Variants in MYO16 observed in about 807,000 individuals in gnomAD.
The protein encoded by MYO16 is unconventional myosin-XVI.
MYO16 carries 94 observed loss-of-function variants against 205.3 expected under a neutral mutation model. That is an observed-to-expected ratio of 0.46 (90% confidence interval 0.39 to 0.54). MYO16 has a LOEUF of 0.54. MYO16 is among the 20% of genes least tolerant of loss of function. The pLI is 0.00. For missense variants in MYO16, 2,315 were observed against 2,387.5 expected, an observed-to-expected ratio of 0.97 and a Z score of 0.63; for synonymous variants, 988 against 954.0, an observed-to-expected ratio of 1.04 and a Z score of -0.66.
chr13:108,823,119 T>A lies in MYO16; in HGVS notation c.944-6T>A, dbSNP rs1566351725. 6.2e-7 allele frequency: 1 copy of A among 1,605,476 alleles called. No homozygotes were observed. Among genetic ancestry groups the A allele is most frequent in the Non-Finnish European group, 8.5e-7 (1 of 1,178,346 alleles). The stretch of plus-strand genomic sequence containing the variant: ...TTTTCTGATTTTTCTTATTTTTTTC[T>A]TGTAGATATTGCTGCCTCTGAGTTT... On this transcript the variant is annotated splice_polypyrimidine_tract_variant and splice_region_variant and intron_variant, in intron 8 of 34. Coordinates refer to ENST00000457511, the MANE Select transcript of MYO16 (RefSeq NM_001198950.3).
At chr13:109,009,987 A>G (rs979291885) in intron 22 of MYO16, among the ~76,000 whole-genome samples, 1 of 152,194 alleles carries the variant, frequency 6.6e-6, no homozygotes, top group Admixed American at 6.5e-5. Flanking sequence ...CCTTCTCTCT[A>G]GCTTGCCATG....
At chr13:108,848,249 C>A (rs545978556) in intron 10 of MYO16, among the ~76,000 whole-genome samples, 25 of 152,270 alleles carry the variant, frequency 1.6e-4, no homozygotes, top group African/African-American at 5.8e-4. Context: ...ACTCCCTGCC[C>A]GGATCTGTTC....
At chr13:109,029,107 CTTTTCTT>C (rs1342417680) in intron 23 of MYO16, among the ~76,000 whole-genome samples, 13 of 69,160 alleles carry the variant, frequency 1.9e-4, no homozygotes, top group Non-Finnish European at 3.0e-5. Flanking sequence ...AACATTTTTT[CTTTTCTT>C]TTTTTTTTTT....
chr13:108,667,774 GGT>G (rs1881805974), intron 2 of MYO16, among the ~76,000 whole-genome samples: 1 of 152,162 alleles, frequency 6.6e-6, no homozygotes, highest in East Asian at 1.9e-4. Context: ...TGCCAGGTAT[GGT>G]GGCTCATACC....
intron 12 of MYO16, among the ~76,000 whole-genome samples, chr13:108,877,830 T>G (rs1301476294): frequency 6.6e-6 from 1 of 152,258 alleles, no homozygotes; most frequent in African/African-American, 2.4e-5. Context: ...TTAAATTTAA[T>G]GTAGTAAGAT....
intron 5 of MYO16, among the ~76,000 whole-genome samples, chr13:108,790,450 T>C (rs1205413532): frequency 6.6e-6 from 1 of 152,178 alleles, no homozygotes; most frequent in East Asian, 1.9e-4. Flanking sequence ...TAAATTTCTT[T>C]CAAAATAATA....
chr13:109,095,643 A>G (rs916107226), intron 27 of MYO16, among the ~76,000 whole-genome samples: 2 of 152,256 alleles, frequency 1.3e-5, no homozygotes, highest in African/African-American at 4.8e-5. Context: ...ACTTGTTAAT[A>G]CTATATTCAG....
chr13:108,779,261 G>A (rs1050435936), intron 4 of MYO16, among the ~76,000 whole-genome samples: 39 of 152,236 alleles, frequency 2.6e-4, no homozygotes, highest in African/African-American at 8.7e-4. Context: ...ATTCTTGAAA[G>A]GTGTCTTGTT....
intron 1 of MYO16, 46 bp from the exon 2 acceptor site, chr13:108,665,840 G>A (rs775685937): frequency 1.3e-6 from 2 of 1,580,040 alleles, no homozygotes; most frequent in African/African-American, 2.7e-5. Flanking sequence ...CACTTATAGT[G>A]GTTATAATAA....
intron 27 of MYO16, among the ~76,000 whole-genome samples, chr13:109,099,500 C>G (rs80035267): frequency 6.6e-6 from 1 of 152,274 alleles, no homozygotes; most frequent in East Asian, 1.9e-4. Flanking sequence ...CTCCTCTAAG[C>G]GCACTAATCC....
At chr13:108,535,998 T>C in the MYO16 span, among the ~76,000 whole-genome samples, 1 of 151,520 alleles carries the variant, frequency 6.6e-6, no homozygotes, top group Non-Finnish European at 1.5e-5. Flanking sequence ...TTTATGTCTG[T>C]GTGTATATGC....
intron 32 of MYO16, among the ~76,000 whole-genome samples, chr13:109,157,970 C>A (rs1878156798): frequency 6.6e-6 from 1 of 152,164 alleles, no homozygotes; most frequent in Admixed American, 6.5e-5. Context: ...ACGAATATTT[C>A]TTTAAGTTCT....
intron 2 of MYO16, among the ~76,000 whole-genome samples, chr13:108,699,468 A>G (rs1325258199): frequency 2.0e-5 from 3 of 152,182 alleles, no homozygotes; most frequent in African/African-American, 4.8e-5. Context: ...TTAAACTTAC[A>G]TAACATAAAT....
At chr13:108,574,692 TGTGTGTGTGTGTGTGTGC>T in the MYO16 span, among the ~76,000 whole-genome samples, 4,915 of 142,540 alleles carry the variant, frequency 0.034, 240 homozygotes, top group African/African-American at 0.11. Flanking sequence ...TGTGTGTGTG[TGTGTGTGTGTGTGTGTGC>T]GCTTGTGTGT....
At position 108,823,197 on chromosome 13, in the gene MYO16, A is replaced by T; in HGVS notation, c.1016A>T (p.Glu339Val). Reference protein sequence around the residue: ...AEIAWEEKMKEPLSASTLAQE... With the variant: ...AEIAWEEKMKVPLSASTLAQE... The stretch of plus-strand genomic sequence containing the variant: ...ATTGCCTGGGAAGAAAAAATGAAAG[A>T]GCCTTTATCTGCTTCTACCTTAGCT... The change falls in exon 9 of 35, where the codon GAG becomes GTG. Residue 339 changes from glutamate to valine, a missense_variant. Transcript: ENST00000457511. The T allele has an allele frequency of 6.2e-7, 1 of 1,613,282 alleles. No homozygotes were observed. Among genetic ancestry groups the T allele is most frequent in the Non-Finnish European group, 8.5e-7 (1 of 1,179,526 alleles).
chr13:108,804,046 CA>C (rs1422159839), intron 6 of MYO16, among the ~76,000 whole-genome samples: 1 of 152,164 alleles, frequency 6.6e-6, no homozygotes, highest in Non-Finnish European at 1.5e-5. Flanking sequence ...TGTGCTATTT[CA>C]AATCTGAGTG....
rs565715201 is a variant in MYO16, at chr13:109,108,602, G to A, written c.3438+7715G>A. ...CCCCCAAATTAGGCAAGGCAATTGC[G>A]ATGGCTCACAGTCTGCTGGGGGAGA... On this transcript the variant is annotated intron_variant, in intron 28 of 34. Coordinates refer to ENST00000457511, the MANE Select transcript of MYO16 (RefSeq NM_001198950.3). Among the ~76,000 whole-genome samples the A allele has an allele frequency of 7.9e-5, 12 of 152,314 alleles. No individual in the cohort carries two copies. The South Asian group carries it at 2.1e-3, about 26-fold the overall frequency.
At chr13:109,097,549 A>G (rs1029235970) in intron 27 of MYO16, among the ~76,000 whole-genome samples, 1 of 152,192 alleles carries the variant, frequency 6.6e-6, no homozygotes, top group Non-Finnish European at 1.5e-5. Flanking sequence ...AATAAAACAC[A>G]CAGCTACCAA....
chr13:108,556,158 G>C, the MYO16 span, among the ~76,000 whole-genome samples: 3 of 151,862 alleles, frequency 2.0e-5, no homozygotes, highest in African/African-American at 7.3e-5. Context: ...ATATATATCT[G>C]GTAGTAAGAC....
Sources: gnomAD v4.1 joint callset for allele counts (sites outside exome capture counted in the v4.1 genomes callset) on GRCh38, gnomAD v4.1.1 for gene constraint, MANE v1.5 for transcripts, NCBI Gene and HGNC (gene_info 2026-07-23, HGNC 2026-07-21) for gene names.